Variants in EPN2 observed in about 807,000 individuals in gnomAD.
The protein encoded by EPN2 is epsin-2.
In EPN2, 34 loss-of-function variants were observed where a neutral mutation model predicts 61.7. That is an observed-to-expected ratio of 0.55 (90% confidence interval 0.42 to 0.73). EPN2 has a LOEUF of 0.73. Among genes scored for constraint, EPN2 ranks in the 30% least tolerant of loss-of-function variants. EPN2 has a pLI of 0.00. For synonymous variants in EPN2, 349 were observed against 353.6 expected (o/e 0.99, Z 0.15); for missense variants, 714 against 839.2 (o/e 0.85, Z 1.84).
chr17:19,299,658 C>T (rs186481183), intron 4 of EPN2, among the ~76,000 whole-genome samples: 32 of 152,288 alleles, frequency 2.1e-4, no homozygotes, highest in African/African-American at 5.5e-4. Context: ...AATAACAGCC[C>T]GAAGAGAATG....
intron 7 of EPN2, 85 bp from the exon 8 acceptor site, chr17:19,328,626 G>A: frequency 7.7e-7 from 1 of 1,291,434 alleles, no homozygotes; most frequent in Non-Finnish European, 1.1e-6. Context: ...ACCCTGGTGT[G>A]GCTGGCAGTA....
At chr17:19,303,446 T>TCCTTC (rs1905640592) in intron 4 of EPN2, among the ~76,000 whole-genome samples, 1 of 152,218 alleles carries the variant, frequency 6.6e-6, no homozygotes, top group Admixed American at 6.5e-5. Context: ...GGGCCAGCCT[T>TCCTTC]CCTTCGGGAT....
chr17:19,292,287 C>T (rs1432318426), intron 4 of EPN2, among the ~76,000 whole-genome samples: 7 of 152,114 alleles, frequency 4.6e-5, no homozygotes, highest in African/African-American at 1.2e-4. Context: ...TGGCCACCAG[C>T]CAGGTATTTC....
At chr17:19,246,950 A>G (rs2044959253) in intron 1 of EPN2, among the ~76,000 whole-genome samples, 1 of 151,604 alleles carries the variant, frequency 6.6e-6, no homozygotes, top group African/African-American at 2.4e-5. Flanking sequence ...TTTTGTATTT[A>G]TGGTAGAGAG....
At chr17:19,298,547 G>A (rs569039750) in intron 4 of EPN2, among the ~76,000 whole-genome samples, 118 of 152,194 alleles carry the variant, frequency 7.8e-4, no homozygotes, top group African/African-American at 2.8e-3. Flanking sequence ...TATCACTCAG[G>A]CTGGCTGGAG....
At chr17:19,268,019 G>T (rs1266977616) in intron 1 of EPN2, among the ~76,000 whole-genome samples, 1 of 152,184 alleles carries the variant, frequency 6.6e-6, no homozygotes, top group Non-Finnish European at 1.5e-5. Flanking sequence ...GGCCCTGTTG[G>T]TGCAGCCTCA....
chr17:19,328,801 C>G lies in EPN2; in HGVS notation c.1238C>G (p.Ala413Gly), dbSNP rs1907021449. The change falls in exon 8 of 11, where the codon GCT becomes GGT. Residue 413 changes from alanine (A) to glycine (G), a missense_variant. Ala to Gly is a moderately conservative substitution (Grantham distance 60). Around this residue, in one of 2 missense-constraint regions of EPN2, gnomAD observed 410 missense variants for 421.8 expected, o/e 0.97. Coordinates refer to ENST00000314728, the MANE Select transcript of EPN2 (RefSeq NM_014964.5). Reference protein sequence around the residue: ...SVPKNSDPWAASQQPASSAGK... With the variant: ...SVPKNSDPWAGSQQPASSAGK... ...CCCAAGAACTCGGACCCCTGGGCAG[C>G]TTCACAGCAGCCTGCCTCCAGTGCT... 1.2e-6 allele frequency: 2 copies of G among 1,613,728 alleles called. No individual in the cohort carries two copies. The highest frequency in any genetic ancestry group is 4.5e-5 in the East Asian group (2 of 44,872).
intron 7 of EPN2, among the ~76,000 whole-genome samples, chr17:19,317,337 G>A (rs528617156): frequency 1.3e-4 from 20 of 152,334 alleles, no homozygotes; most frequent in African/African-American, 4.8e-4. Context: ...GGTCTGAGGA[G>A]GGCTTATAGC....
chr17:19,247,298 T>C (rs909141354), intron 1 of EPN2, among the ~76,000 whole-genome samples: 1 of 152,138 alleles, frequency 6.6e-6, no homozygotes, highest in Non-Finnish European at 1.5e-5. Flanking sequence ...TGGTTATAAA[T>C]GAAATGCCAC....
intron 1 of EPN2, among the ~76,000 whole-genome samples, chr17:19,253,409 G>C (rs1441609849): frequency 7.9e-6 from 1 of 126,776 alleles, no homozygotes; most frequent in Non-Finnish European, 1.6e-5. Flanking sequence ...GTAAATAGTT[G>C]CTTTTTTTTT....
intron 7 of EPN2, among the ~76,000 whole-genome samples, chr17:19,323,042 C>T (rs1276883659): frequency 6.6e-6 from 1 of 152,210 alleles, no homozygotes; most frequent in African/African-American, 2.4e-5. Flanking sequence ...CCACCTTCTG[C>T]TGCCTTTCTC....
At chr17:19,241,754 G>A (rs1345592968) in intron 1 of EPN2, among the ~76,000 whole-genome samples, 1 of 152,032 alleles carries the variant, frequency 6.6e-6, no homozygotes, top group African/African-American at 2.4e-5. Context: ...TTAAACCACT[G>A]TAATTTCCAT....
At chr17:19,330,019 TG>T (rs1273427802) in intron 9 of EPN2, among the ~76,000 whole-genome samples, 1 of 152,170 alleles carries the variant, frequency 6.6e-6, no homozygotes, top group African/African-American at 2.4e-5. Context: ...TGGGCATCAG[TG>T]GGGCCAGCCT....
intron 1 of EPN2, among the ~76,000 whole-genome samples, chr17:19,250,797 G>A (rs1458736520): frequency 2.0e-5 from 3 of 152,102 alleles, no homozygotes; most frequent in Non-Finnish European, 4.4e-5. Context: ...ACGCAGGGTG[G>A]CTGAGTTTGT....
intron 1 of EPN2, among the ~76,000 whole-genome samples, chr17:19,250,997 A>G (rs1439157741): frequency 2.6e-5 from 4 of 151,956 alleles, no homozygotes; most frequent in Non-Finnish European, 1.5e-5. Flanking sequence ...TTTAGGTGGG[A>G]TTGTTTGTGC....
chr17:19,251,337 C>T (rs913196477), intron 1 of EPN2, among the ~76,000 whole-genome samples: 9 of 152,136 alleles, frequency 5.9e-5, no homozygotes, highest in Non-Finnish European at 1.3e-4. Flanking sequence ...TCCTTCAGCT[C>T]CCAAGCCTGG....
At position 19,282,975 on chromosome 17, in the gene EPN2, T is replaced by C; in HGVS notation, c.-145T>C. On this transcript the variant is annotated 5_prime_UTR_variant, in exon 3 of 11. Transcript: ENST00000314728. ...GTCATGGCTTCCAGCTTTTCGAATC[T>C]GAGGCTCCAAAGGAGGAAATGACCA... 1 of 631,084 alleles carries C rather than the reference T, an allele frequency of 1.6e-6. No individual in the cohort carries two copies. The highest frequency in any genetic ancestry group is 2.7e-6 in the Non-Finnish European group (1 of 368,526). The allele number at this position is 631,084 out of a possible 1,614,324, so 39.1% of individuals were successfully genotyped here.
intron 4 of EPN2, among the ~76,000 whole-genome samples, chr17:19,302,097 G>A (rs1232233806): frequency 6.6e-6 from 1 of 152,208 alleles, no homozygotes; most frequent in African/African-American, 2.4e-5. Context: ...AGACCTTCAG[G>A]GTCAGACTCC....
At chr17:19,277,357 C>T (rs1372688637) in intron 1 of EPN2, among the ~76,000 whole-genome samples, 1 of 145,362 alleles carries the variant, frequency 6.9e-6, no homozygotes, top group Non-Finnish European at 1.5e-5. Flanking sequence ...GCCGAGATTG[C>T]ACCACGGCAC....
Sources: allele counts gnomAD v4.1 joint callset (sites outside exome capture counted in the v4.1 genomes callset), GRCh38; gene constraint gnomAD v4.1.1; regional missense constraint gnomAD v4.1.1; transcripts MANE v1.5; gene names NCBI Gene and HGNC (gene_info 2026-07-23, HGNC 2026-07-21).